The following IRAG2 variants were observed in gnomAD, a reference collection of about 807,000 sequenced individuals.
The protein encoded by IRAG2 is lymphoid restricted membrane protein.
Under a neutral mutation model 69.9 loss-of-function variants are expected in IRAG2, and 45 were observed. The observed-to-expected ratio is 0.64, with a 90% CI of 0.51 to 0.83. The LOEUF (loss-of-function observed/expected upper bound fraction) is 0.83. Ranked by LOEUF, IRAG2 falls within the 40% of genes least tolerant of loss-of-function variation. The pLI is 0.00. For missense variants in IRAG2, 520 were observed against 587.0 expected (o/e 0.89, Z 1.18); for synonymous variants, 193 against 202.4 (o/e 0.95, Z 0.40).
At chr12:25,035,621 G>A (rs1415229940) in intron 13 of IRAG2, 14 of 398,762 alleles carry the variant, frequency 3.5e-5, no homozygotes, top group East Asian at 3.2e-4. Flanking sequence ...TTATTCAGAT[G>A]TCAATTGTGG....
At chr12:25,026,099 T>C (rs1772200811) in intron 8 of IRAG2, among the ~76,000 whole-genome samples, 1 of 152,170 alleles carries the variant, frequency 6.6e-6, no homozygotes, top group Admixed American at 6.5e-5. Context: ...TAAAACCTTA[T>C]TTACAAAAAC....
At position 25,088,109 on chromosome 12, in the gene IRAG2, G is replaced by A; in HGVS notation, c.325G>A (p.Glu109Lys). 1.9e-6 allele frequency: 3 copies of A among 1,612,480 alleles called. No homozygotes were observed. The highest frequency in any genetic ancestry group is 2.5e-6 in the Non-Finnish European group (3 of 1,178,528). ...AATCTTATGATTTTAGGAAGCCAAA[G>A]AGGAACCAGAAACAATAGAAGAACA... is the stretch of plus-strand genomic sequence containing the variant. ...DKTILNLEAK[E>K]EPETIEEHKK... The change falls in exon 11 of 22, where the codon GAG (glutamate) becomes AAG (lysine). Residue 109 changes from glutamate to lysine, a missense_variant. Physicochemically the swap from Glu to Lys is moderately conservative, Grantham distance 56. Transcript: ENST00000556887.
intron 16 of IRAG2, among the ~76,000 whole-genome samples, chr12:25,044,753 A>T (rs1944778824): frequency 2.6e-5 from 4 of 152,170 alleles, no homozygotes; most frequent in African/African-American, 9.6e-5. Flanking sequence ...GAACCTAAAT[A>T]TATAAAGCAA....
intron 5 of IRAG2, among the ~76,000 whole-genome samples, chr12:25,069,138 C>T (rs1353967424): frequency 2.0e-5 from 3 of 152,182 alleles, no homozygotes; most frequent in African/African-American, 7.2e-5. Context: ...GCTTCATTTT[C>T]ATTTTTGACT....
chr12:25,103,642 G>A, intron 17 of IRAG2, 195 bp from the exon 18 acceptor site: 1 of 540,338 alleles, frequency 1.9e-6, no homozygotes, highest in East Asian at 3.0e-5. Flanking sequence ...ATCCAACATT[G>A]AGTTAGGTGG....
At chr12:25,018,999 T>G (rs1349163578) in intron 6 of IRAG2, among the ~76,000 whole-genome samples, 2 of 152,206 alleles carry the variant, frequency 1.3e-5, no homozygotes, top group Non-Finnish European at 2.9e-5. Flanking sequence ...AGGGTTCCCT[T>G]GACTGCCTCG....
At chr12:25,089,348 A>G (rs1947869025) in intron 11 of IRAG2, among the ~76,000 whole-genome samples, 2 of 152,192 alleles carry the variant, frequency 1.3e-5, no homozygotes, top group Non-Finnish European at 2.9e-5. Context: ...CAAAGAGAAC[A>G]AATTGGGCTG....
intron 5 of IRAG2, among the ~76,000 whole-genome samples, chr12:25,016,912 C>T (rs1214226135): frequency 6.6e-6 from 1 of 151,712 alleles, no homozygotes; most frequent in African/African-American, 2.4e-5. Context: ...CAAATGATGG[C>T]TACTTGGAAA....
intron 14 of IRAG2, chr12:25,036,555 C>G (rs1295344362): frequency 5.0e-6 from 2 of 398,546 alleles, no homozygotes; most frequent in Non-Finnish European, 8.9e-6. Flanking sequence ...ATATGTCTTC[C>G]TAGTTGAAGA....
chr12:25,105,064 G>T (rs983373461), intron 20 of IRAG2, among the ~76,000 whole-genome samples: 47 of 140,584 alleles, frequency 3.3e-4, no homozygotes, highest in African/African-American at 1.2e-3. Context: ...AACCTTACTT[G>T]GTCTCAGTTT....
At chr12:25,025,401 T>C (rs1360986077) in intron 8 of IRAG2, among the ~76,000 whole-genome samples, 1 of 152,076 alleles carries the variant, frequency 6.6e-6, no homozygotes, top group African/African-American at 2.4e-5. Flanking sequence ...AAGGCCAGAG[T>C]GTCTGGAGCA....
Position 25,079,424 on chromosome 12 carries a change from GAC to G in IRAG2, c.103_104del (p.Thr35PhefsTer11). The stretch of plus-strand genomic sequence containing the variant: ...GAATATTCCTCACTACCATTACCCA[GAC>G]ACACTTCATCGACAGACGGTACTAT... On this transcript the variant is annotated frameshift_variant, in exon 8 of 22. Transcript: ENST00000556887. LOFTEE classifies it high-confidence loss of function. The G allele has an allele frequency of 6.2e-7, 1 of 1,613,794 alleles. No individual in the cohort carries two copies. The highest frequency in any genetic ancestry group is 8.5e-7 in the Non-Finnish European group (1 of 1,179,730).
intron 15 of IRAG2, among the ~76,000 whole-genome samples, chr12:25,098,417 A>G (rs534072648): frequency 7.2e-5 from 11 of 152,268 alleles, no homozygotes; most frequent in African/African-American, 2.6e-4. Context: ...AAACTGGGAC[A>G]ATCAAAGGAA....
At chr12:25,065,165 A>G (rs1789995941) in intron 4 of IRAG2, among the ~76,000 whole-genome samples, 1 of 152,150 alleles carries the variant, frequency 6.6e-6, no homozygotes, top group African/African-American at 2.4e-5. Context: ...ATATCTATTA[A>G]CTCATTTAAT....
exon 1 of IRAG2, chr12:25,004,628 C>G (rs1371079535): frequency 3.2e-6 from 4 of 1,232,064 alleles, no homozygotes; most frequent in Non-Finnish European, 3.0e-6. Flanking sequence ...TCTCCAAGAA[C>G]CCCATCCACC....
At position 25,036,296 on chromosome 12, in the gene IRAG2, C is replaced by T. The variant is rs150379717; in HGVS notation, c.1879-289C>T. On this transcript the variant is annotated intron_variant, in intron 14 of 38. Coordinates refer to the IRAG2 transcript ENST00000636465. ...TTGTACATTTTGGTACATTTTAGAACGGTAAAAATAAGTGAAAATGGTTGT... is the reference window on the plus strand; with the variant it reads ...TTGTACATTTTGGTACATTTTAGAATGGTAAAAATAAGTGAAAATGGTTGT... 4.8e-4 allele frequency among the ~76,000 whole-genome samples: 73 copies of T among 152,104 alleles called. 1 individual carries two copies. The East Asian group carries it at 0.013, about 26-fold the overall frequency.
intron 4 of IRAG2, among the ~76,000 whole-genome samples, chr12:25,064,230 G>A (rs1945823748): frequency 6.6e-6 from 1 of 152,202 alleles, no homozygotes; most frequent in Admixed American, 6.5e-5. Context: ...AGAGGTTAGA[G>A]TTGAACTGGC....
At chr12:25,033,925 T>A in exon 13 of IRAG2, 1 of 398,962 alleles carries the variant, frequency 2.5e-6, no homozygotes, top group Non-Finnish European at 4.4e-6. Flanking sequence ...CATTACGAAC[T>A]CACTCTTGCT....
At chr12:25,099,388 CT>C (rs1273315652) in intron 15 of IRAG2, among the ~76,000 whole-genome samples, 1 of 152,156 alleles carries the variant, frequency 6.6e-6, no homozygotes, top group Non-Finnish European at 1.5e-5. Flanking sequence ...CAACACCTTT[CT>C]CTCTCACTTC....
Sources: gnomAD v4.1 joint callset for allele counts (sites outside exome capture counted in the v4.1 genomes callset) on GRCh38, gnomAD v4.1.1 for gene constraint, MANE v1.5 for transcripts, NCBI Gene and HGNC (gene_info 2026-07-23, HGNC 2026-07-21) for gene names.